The following MCC variants were observed in gnomAD, a reference collection of about 807,000 sequenced individuals.
The protein encoded by MCC is MCC regulator of Wnt signaling pathway.
MCC carries 90 observed loss-of-function variants against 116.2 expected under a neutral mutation model. The observed-to-expected ratio is 0.77, with a 90% CI of 0.65 to 0.92. The LOEUF is 0.92. Ranked by LOEUF, MCC falls within the 40% of genes least tolerant of loss-of-function variation. The pLI is 0.00. For missense variants in MCC, 1,516 were observed against 1,312.2 expected (o/e 1.16, Z -2.40); for synonymous variants, 578 against 510.5 (o/e 1.13, Z -1.78).
intron 14 of MCC, among the ~76,000 whole-genome samples, chr5:113,056,992 T>C (rs901674554): frequency 1.3e-5 from 2 of 152,148 alleles, no homozygotes; most frequent in Non-Finnish European, 2.9e-5. Context: ...GTGATTGAGC[T>C]GCAGGGAAGG....
chr5:113,445,739 A>G (rs1439385788), intron 1 of MCC, among the ~76,000 whole-genome samples: 1 of 152,140 alleles, frequency 6.6e-6, no homozygotes, highest in Non-Finnish European at 1.5e-5. Flanking sequence ...ACAGAATTAG[A>G]AAAAAACTAT....
chr5:113,433,566 G>C, intron 1 of MCC: 1 of 849,900 alleles, frequency 1.2e-6, no homozygotes, highest in East Asian at 2.7e-5. Flanking sequence ...CATCCACCTA[G>C]GGGCCACGGG....
At chr5:113,303,073 G>C (rs1766901434) in intron 3 of MCC, among the ~76,000 whole-genome samples, 1 of 152,216 alleles carries the variant, frequency 6.6e-6, no homozygotes, top group African/African-American at 2.4e-5. Flanking sequence ...TTGGTGTGGG[G>C]AAGGACCAAG....
chr5:113,311,889 C>T (rs189601714), intron 3 of MCC, among the ~76,000 whole-genome samples: 3 of 152,108 alleles, frequency 2.0e-5, no homozygotes, highest in Admixed American at 2.0e-4. Context: ...GGGCAGATCA[C>T]AAGGTCAGGA....
rs773855439 is a variant in MCC, at chr5:113,064,149, T to G, written c.2048A>C (p.Glu683Ala). Residue 683 changes from glutamate to alanine, a missense_variant, in exon 14 of 19, where the codon GAA (glutamate) becomes GCA (alanine). Glu to Ala is a moderately radical substitution (Grantham distance 107, BLOSUM62 -1). Transcript: ENST00000408903. ...TCGCTTGAGCATCTGAGTGATGTTT[T>G]CATCCCCCGACTGGTCTCCTATGTG... is the stretch of plus-strand genomic sequence containing the variant. The part of the protein sequence containing the change: ...GSSPGDQSGD[E>A]NITQMLKRAH... The G allele has an allele frequency of 3.1e-6, 5 of 1,612,648 alleles. No homozygotes were observed. Among genetic ancestry groups the G allele is most frequent in the Non-Finnish European group, 4.2e-6 (5 of 1,179,160 alleles).
At position 113,145,627 on chromosome 5, in the gene MCC, C is replaced by T. The variant is rs111717004; in HGVS notation, c.742-2267G>A. 4.2e-3 allele frequency among the ~76,000 whole-genome samples: 642 copies of T among 152,286 alleles called. 5 individuals carry two copies. The highest frequency in any genetic ancestry group is 0.015 in the African/African-American group (615 of 41,552). ...ACCAAAAGACCACCCTTCAGCATCC[C>T]TACTGACTGATATCAACTGCCTAAA... On this transcript the variant is annotated intron_variant, in intron 4 of 18. Coordinates refer to ENST00000408903, the MANE Select transcript of MCC (RefSeq NM_001085377.2).
chr5:113,327,561 A>AAAAAATATATATATATATATAT (rs1480996383), intron 3 of MCC, among the ~76,000 whole-genome samples: 5 of 80,582 alleles, frequency 6.2e-5, no homozygotes, highest in South Asian at 4.0e-4. Context: ...AAAAAAAAAA[A>AAAAAATATATATATATATATAT]ATATATATAT....
intron 2 of MCC, among the ~76,000 whole-genome samples, chr5:113,349,393 T>C (rs1299366197): frequency 6.6e-6 from 1 of 152,084 alleles, no homozygotes; most frequent in Non-Finnish European, 1.5e-5. Context: ...TGGTTCAACA[T>C]ATACAAATCA....
chr5:113,288,877 G>C (rs566635311), intron 3 of MCC, among the ~76,000 whole-genome samples: 21 of 152,106 alleles, frequency 1.4e-4, no homozygotes, highest in Non-Finnish European at 3.1e-4. Context: ...CCTGTAACAT[G>C]GGAATAACAG....
rs138383768 is a variant in MCC, at chr5:113,247,835, G to A, written c.627+92684C>T. On this transcript the variant is annotated intron_variant, in intron 3 of 18. Transcript: ENST00000408903. ...ATAACCAGAGGGAGGGATGATAGACGGCAGCAGGGGAGTGTATGGTCACCT... is the reference window on the plus strand; with the variant it reads ...ATAACCAGAGGGAGGGATGATAGACAGCAGCAGGGGAGTGTATGGTCACCT... 4.3e-4 allele frequency among the ~76,000 whole-genome samples: 65 copies of A among 152,228 alleles called. 1 individual carries two copies. Among genetic ancestry groups the A allele is most frequent in the South Asian group, 8.3e-4 (4 of 4,812 alleles).
chr5:113,469,214 C>T (rs1274251011), intron 1 of MCC, among the ~76,000 whole-genome samples: 3 of 152,020 alleles, frequency 2.0e-5, no homozygotes, highest in African/African-American at 7.2e-5. Context: ...TTATTTCTTG[C>T]CTTATGCTAG....
rs142679437 is a variant in MCC, at chr5:113,167,633, C to T, written c.628-16211G>A. ...ACCACCACCTTCCCCTTTCAATAAC[C>T]ATTTTTATTTTATTTTTGAGACAGG... is the stretch of plus-strand genomic sequence containing the variant. On this transcript the variant is annotated intron_variant, in intron 3 of 18. Coordinates refer to ENST00000408903, the MANE Select transcript of MCC (RefSeq NM_001085377.2). Among the ~76,000 whole-genome samples the T allele has an allele frequency of 2.7e-3, 415 of 152,020 alleles. 3 individuals are homozygous for T. The highest frequency in any genetic ancestry group is 4.5e-3 in the Non-Finnish European group (304 of 67,966).
intron 1 of MCC, 79 bp from the exon 2 acceptor site, chr5:113,385,291 G>A (rs1357335872): frequency 8.7e-6 from 12 of 1,375,008 alleles, no homozygotes; most frequent in Middle Eastern, 1.8e-4. Context: ...AAAAAAAAAA[G>A]GTATTTCTTA....
Position 113,072,622 on chromosome 5 carries a change from G to T in MCC, c.1785-1388C>A, listed in dbSNP as rs1251106741. ...CTCTGCTGGTTTTCTTCCTGCCCTAGCGGCTATTTCCTCTCAGTCTCCTTT... is the reference window on the plus strand; with the variant it reads ...CTCTGCTGGTTTTCTTCCTGCCCTATCGGCTATTTCCTCTCAGTCTCCTTT... On this transcript the variant is annotated intron_variant, in intron 11 of 18. Transcript: ENST00000408903. Among the ~76,000 whole-genome samples, 3 of 152,156 alleles carry T rather than the reference G, an allele frequency of 2.0e-5. No homozygotes were observed. In the East Asian group the frequency reaches 5.8e-4, roughly 29 times the overall value.
At chr5:113,101,691 GC>G in intron 8 of MCC, 47 bp downstream of exon 8, 1 of 1,598,222 alleles carries the variant, frequency 6.3e-7, no homozygotes. Context: ...GCCTCTCTCA[GC>G]CCCATGCCCA....
Position 113,438,789 on chromosome 5 carries a change from TTTG to T in MCC, c.170+49453_170+49455del, listed in dbSNP as rs776653477. Among the ~76,000 whole-genome samples, 11 of 152,336 alleles carry T rather than the reference TTTG, an allele frequency of 7.2e-5. No individual in the cohort carries two copies. In the East Asian group the frequency reaches 1.9e-3, roughly 27 times the overall value. On this transcript the variant is annotated intron_variant, in intron 1 of 18. Transcript: ENST00000408903. Reference sequence around the variant, plus strand: ...ACGACATGGCATCACCTTCTAAAAATTTGTTATTTAGTTGAAGAAACCACTAGA... The same window carrying T: ...ACGACATGGCATCACCTTCTAAAAATTTATTTAGTTGAAGAAACCACTAGA...
chr5:113,397,994 A>G (rs1434596847), intron 1 of MCC, among the ~76,000 whole-genome samples: 3 of 152,216 alleles, frequency 2.0e-5, no homozygotes, highest in Admixed American at 2.0e-4. Flanking sequence ...AGTGAGCAAA[A>G]AACAAATAAC....
chr5:113,095,313 G>GAT (rs1342433807), intron 8 of MCC, among the ~76,000 whole-genome samples: 1 of 152,084 alleles, frequency 6.6e-6, no homozygotes, highest in Non-Finnish European at 1.5e-5. Context: ...CCCAAATTTT[G>GAT]GTACCAAGAG....
intron 3 of MCC, among the ~76,000 whole-genome samples, chr5:113,279,630 C>T (rs1214491362): frequency 1.3e-5 from 2 of 152,074 alleles, no homozygotes; most frequent in South Asian, 4.2e-4. Context: ...TCCCCCAAGC[C>T]CCATCTTCTA....
Sources: gnomAD v4.1 joint callset for allele counts (sites outside exome capture counted in the v4.1 genomes callset) on GRCh38, gnomAD v4.1.1 for gene constraint, MANE v1.5 for transcripts, NCBI Gene and HGNC (gene_info 2026-07-23, HGNC 2026-07-21) for gene names.